PIWIL1: variants seen among roughly 807,000 people sequenced by gnomAD.
PIWIL1 encodes the protein piwi-like protein 1.
In PIWIL1, 73 loss-of-function variants were observed where a neutral mutation model predicts 114.4. The observed-to-expected ratio is 0.64, with a 90% CI of 0.53 to 0.78. The LOEUF (loss-of-function observed/expected upper bound fraction) is 0.78. Ranked by LOEUF, PIWIL1 falls within the 30% of genes least tolerant of loss-of-function variation. PIWIL1 has a pLI of 0.00. For synonymous variants in PIWIL1, 375 were observed against 369.0 expected (o/e 1.02, Z -0.19); for missense variants, 723 against 1,063.1 (o/e 0.68, Z 4.45).
chr12:130,401,568 T>C, the PIWIL1 span, among the ~76,000 whole-genome samples: 1 of 151,954 alleles, frequency 6.6e-6, no homozygotes, highest in African/African-American at 2.4e-5. Context: ...TTGAAGGTCC[T>C]ACTCTTATTT....
At chr12:130,420,904 C>A in the PIWIL1 span, 1 of 152,314 alleles carries the variant, frequency 6.6e-6, no homozygotes, top group East Asian at 1.9e-4. The surrounding 1 kb of genome is among the most constrained non-coding windows in gnomAD (Gnocchi z 4.3). Flanking sequence ...TTCCAAAGGA[C>A]GTCCTTTCTG....
intron 18 of PIWIL1, among the ~76,000 whole-genome samples, chr12:130,363,611 CCTTT>C: frequency 1.3e-5 from 1 of 79,706 alleles, no homozygotes; most frequent in Admixed American, 1.2e-4. Flanking sequence ...CTACTTTCTC[CCTTT>C]TTTTTTTTTT....
chr12:130,422,624 TA>T, the PIWIL1 span: 1 of 1,209,984 alleles, frequency 8.3e-7, no homozygotes, highest in Non-Finnish European at 1.2e-6. This position sits in a 1 kb window ranked among gnomAD's most constrained non-coding sequence, Gnocchi z 5.2. Context: ...AGAATTCAGT[TA>T]GCCAAATCAA....
chr12:130,395,043 A>C, the PIWIL1 span, among the ~76,000 whole-genome samples: 1 of 152,104 alleles, frequency 6.6e-6, no homozygotes, highest in South Asian at 2.1e-4. Context: ...AGGCAAATGG[A>C]TGGTAATGTG....
the PIWIL1 span, among the ~76,000 whole-genome samples, chr12:130,395,443 TATAAA>T: frequency 6.6e-6 from 1 of 152,156 alleles, no homozygotes; most frequent in Non-Finnish European, 1.5e-5. Flanking sequence ...TGTACTTACT[TATAAA>T]ATAGGGGGGA....
At chr12:130,338,776 G>A (rs1484418483) in intron 1 of PIWIL1, among the ~76,000 whole-genome samples, 1 of 139,386 alleles carries the variant, frequency 7.2e-6, no homozygotes, top group African/African-American at 2.7e-5. Flanking sequence ...CGGGGTGCGG[G>A]GGCGATGTAT....
chr12:130,397,432 A>T, the PIWIL1 span: 3 of 398,854 alleles, frequency 7.5e-6, no homozygotes, highest in Non-Finnish European at 1.3e-5. Context: ...TTTTTCGAGG[A>T]CATTTCCCTG....
At position 130,338,135 on chromosome 12, in the gene PIWIL1, C is replaced by T; in HGVS notation, c.-24C>T. On this transcript the variant is annotated 5_prime_UTR_variant, in exon 1 of 21. Transcript: ENST00000245255. ...GCAAGGACCAGGACTAGGGCGAGGG[C>T]AGCGGTCCAAGGTGCGGGGCCAGGC... 1 of 302,126 alleles carries T rather than the reference C, an allele frequency of 3.3e-6. No individual in the cohort carries two copies. The allele number at this position is 302,126 out of a possible 1,614,324, so 18.7% of individuals were successfully genotyped here. A position where few individuals can be genotyped will look rare whatever the true frequency, so the allele number is the denominator to read the frequency against.
intron 9 of PIWIL1, among the ~76,000 whole-genome samples, chr12:130,353,655 C>T (rs1199800749): frequency 4.6e-5 from 7 of 151,902 alleles, no homozygotes; most frequent in Admixed American, 3.3e-4. Flanking sequence ...GGCTGGGTGC[C>T]GTGACTCACG....
intron 19 of PIWIL1, among the ~76,000 whole-genome samples, chr12:130,368,000 G>A (rs899274483): frequency 6.6e-5 from 10 of 152,258 alleles, no homozygotes; most frequent in African/African-American, 1.7e-4. Flanking sequence ...GTTTCACCAC[G>A]ATGGCCAGGC....
downstream of PIWIL1, among the ~76,000 whole-genome samples, chr12:130,377,630 G>C (rs994629115): frequency 2.6e-5 from 4 of 152,236 alleles, no homozygotes; most frequent in East Asian, 1.9e-4. Flanking sequence ...TTCTTCATGG[G>C]TGCCTGGAGG....
the PIWIL1 span, among the ~76,000 whole-genome samples, chr12:130,415,796 T>C: frequency 6.6e-6 from 1 of 152,110 alleles, no homozygotes; most frequent in African/African-American, 2.4e-5. Context: ...ATTCTAAACC[T>C]AGAAAACCCT....
rs373242831 is a variant in PIWIL1 at position 130,343,004 on chromosome 12, T to C, written c.93T>C (p.Gly31=). 41 of 1,613,746 alleles carry C rather than the reference T, an allele frequency of 2.5e-5. No individual in the cohort carries two copies. Among genetic ancestry groups the C allele is most frequent in the Non-Finnish European group, 3.2e-5 (38 of 1,179,726 alleles). The change falls in exon 3 of 21, where the codon GGT becomes GGC. Residue 31 remains glycine (G), a synonymous_variant. Transcript: ENST00000245255. The part of the protein sequence containing the change: ...LVGSTASQQP[G]YIQPRPQPPP... ...TGTAACTACAGAGTCAGCAACCTGG[T>C]TATATTCAGCCTAGGCCTCAGCCGC... is the stretch of plus-strand genomic sequence containing the variant.
chr12:130,363,424 G>A (rs959280492), intron 18 of PIWIL1, among the ~76,000 whole-genome samples: 1 of 152,082 alleles, frequency 6.6e-6, no homozygotes, highest in Non-Finnish European at 1.5e-5. Flanking sequence ...AGGCCTTGGA[G>A]TGCAAGTATC....
At chr12:130,403,940 C>A in the PIWIL1 span, among the ~76,000 whole-genome samples, 1 of 152,128 alleles carries the variant, frequency 6.6e-6, no homozygotes, top group Non-Finnish European at 1.5e-5. Flanking sequence ...ATTATAAAGA[C>A]CATCTATCTT....
the PIWIL1 span, among the ~76,000 whole-genome samples, chr12:130,423,497 G>C: frequency 6.6e-6 from 1 of 152,128 alleles, no homozygotes; most frequent in African/African-American, 2.4e-5. Context: ...ACACAATATA[G>C]AGATGAATGA....
At chr12:130,410,677 T>C in the PIWIL1 span, among the ~76,000 whole-genome samples, 63 of 152,346 alleles carry the variant, frequency 4.1e-4, no homozygotes, top group East Asian at 0.011. Context: ...CCATATGTGT[T>C]GGTCTGTTTC....
At chr12:130,412,314 C>A in the PIWIL1 span, among the ~76,000 whole-genome samples, 1 of 152,138 alleles carries the variant, frequency 6.6e-6, no homozygotes, top group Admixed American at 6.5e-5. Context: ...CAGAAAGCAG[C>A]TAATCATGTG....
chr12:130,351,889 C>T (rs1469392073), intron 9 of PIWIL1, among the ~76,000 whole-genome samples: 1 of 152,156 alleles, frequency 6.6e-6, no homozygotes, highest in Non-Finnish European at 1.5e-5. Flanking sequence ...TCTTCCCCTT[C>T]CCCCCAGAAG....
Sources: gnomAD v4.1 joint callset for allele counts (sites outside exome capture counted in the v4.1 genomes callset) on GRCh38, gnomAD v4.1.1 for gene constraint, Gnocchi (gnomAD v3.1) non-coding constraint, MANE v1.5 for transcripts, NCBI Gene and HGNC (gene_info 2026-07-23, HGNC 2026-07-21) for gene names.